MYO7B: variants seen among roughly 807,000 people sequenced by gnomAD.
MYO7B encodes the protein unconventional myosin-VIIb.
Under a neutral mutation model 259.7 loss-of-function variants are expected in MYO7B, and 212 were observed. The observed-to-expected ratio is 0.82, with a 90% CI of 0.73 to 0.91. The LOEUF is 0.91. MYO7B is among the 40% of genes least tolerant of loss of function. The pLI is 0.00. For synonymous variants in MYO7B, 1,197 were observed against 1,166.4 expected (o/e 1.03, Z -0.54); for missense variants, 2,732 against 2,813.5 (o/e 0.97, Z 0.66).
Position 127,634,239 on chromosome 2 carries a change from C to T in MYO7B, c.5575C>T (p.Gln1859Ter). 2 of 1,596,914 alleles carry T rather than the reference C, an allele frequency of 1.3e-6. No homozygotes were observed. The highest frequency in any genetic ancestry group is 1.1e-5 in the South Asian group (1 of 88,008). The change falls in exon 41 of 48, where the codon CAG becomes TAG. Residue 1859 changes from glutamine (Q) to a stop codon, truncating the protein, a stop_gained. Coordinates refer to ENST00000409816, the MANE Select transcript of MYO7B (RefSeq NM_001393586.1). LOFTEE classifies it high-confidence loss of function. ...DVCDSIATRLQLASWEGCSLF... is the reference protein window; with the variant it reads ...DVCDSIATRL The stretch of plus-strand genomic sequence containing the variant: ...GTGTGACAGCATTGCCACCAGGCTG[C>T]AGCTGGCCTCCTGGGAGGGCTGCAG...
chr2:127,548,181 A>C (rs1241372827), intron 1 of MYO7B, among the ~76,000 whole-genome samples: 1 of 151,926 alleles, frequency 6.6e-6, no homozygotes, highest in Non-Finnish European at 1.5e-5. Flanking sequence ...ATAGTAGTTA[A>C]TTTGTGTCTT....
In MYO7B at chr2:127,584,321, C is replaced by G. The variant is rs375437795; in HGVS notation, c.1543C>G (p.Arg515Gly). Residue 515 changes from arginine (R) to glycine (G), a missense_variant, in exon 13 of 48, where the codon CGC becomes GGC. Physicochemically the swap from Arg to Gly is moderately radical, Grantham distance 125. This residue lies in a region of MYO7B where 1,906 missense variants were observed against 2,026.4 expected (regional missense o/e 0.94). Transcript: ENST00000409816. This position sits in a 1 kb window ranked among gnomAD's most constrained non-coding sequence, Gnocchi z 5.8. ...SIISLLDEES[R>G]FPQGTDLTML... ...CATCTCCCTCCTGGACGAAGAAAGC[C>G]GCTTCCCGCAGGTGTGTGTTCGGGC... is the stretch of plus-strand genomic sequence containing the variant. The G allele has an allele frequency of 3.1e-6, 5 of 1,613,766 alleles. No homozygotes were observed. The highest frequency in any genetic ancestry group is 4.2e-6 in the Non-Finnish European group (5 of 1,179,868).
At chr2:127,619,403 A>C (rs376505682) in intron 26 of MYO7B, among the ~76,000 whole-genome samples, 5 of 56,634 alleles carry the variant, frequency 8.8e-5, no homozygotes, top group African/African-American at 3.0e-4. Context: ...TGGGGGCTGG[A>C]TGGATGGTGG....
chr2:127,609,480 C>T lies in MYO7B; in HGVS notation c.2815-26C>T. The T allele has an allele frequency of 1.3e-6, 2 of 1,592,874 alleles. No individual in the cohort carries two copies. Among genetic ancestry groups the T allele is most frequent in the African/African-American group, 1.3e-5 (1 of 74,584 alleles). On this transcript the variant is annotated intron_variant, in intron 22 of 47. Coordinates refer to ENST00000409816, the MANE Select transcript of MYO7B (RefSeq NM_001393586.1). This position sits in a 1 kb window ranked among gnomAD's most constrained non-coding sequence, Gnocchi z 6.9. The stretch of plus-strand genomic sequence containing the variant: ...GGTTGTTACCTGAAAGCCCTGCTGA[C>T]CCGTGTTCTCCCTCAATGGCCGTAG...
At chr2:127,543,839 G>A (rs1365462400) in intron 1 of MYO7B, among the ~76,000 whole-genome samples, 1 of 151,816 alleles carries the variant, frequency 6.6e-6, no homozygotes, top group African/African-American at 2.4e-5. Flanking sequence ...CCCCCTGCCG[G>A]GTTCACGCCA....
At chr2:127,551,563 G>A (rs1481601122) in intron 1 of MYO7B, among the ~76,000 whole-genome samples, 1 of 152,234 alleles carries the variant, frequency 6.6e-6, no homozygotes, top group Non-Finnish European at 1.5e-5. Context: ...TCGAGATGGG[G>A]TGAATTAGTC....
chr2:127,622,158 C>A, intron 28 of MYO7B, 57 bp downstream of exon 28: 1 of 1,503,688 alleles, frequency 6.7e-7, no homozygotes, highest in East Asian at 2.5e-5. Flanking sequence ...CCCCCAGGGA[C>A]CCCCAGCACA....
chr2:127,560,307 C>T (rs897072550), intron 2 of MYO7B, among the ~76,000 whole-genome samples: 36 of 152,262 alleles, frequency 2.4e-4, no homozygotes, highest in African/African-American at 7.9e-4. Flanking sequence ...GTGTGAGCCA[C>T]CTTGCCCAGC....
intron 6 of MYO7B, among the ~76,000 whole-genome samples, chr2:127,573,058 G>T (rs1469877833): frequency 2.0e-5 from 3 of 152,156 alleles, no homozygotes; most frequent in Non-Finnish European, 4.4e-5. Flanking sequence ...ACTTCTCAGA[G>T]GCTCTGCTGT....
intron 1 of MYO7B, among the ~76,000 whole-genome samples, chr2:127,538,643 G>A (rs956805569): frequency 1.3e-5 from 2 of 151,448 alleles, no homozygotes; most frequent in Admixed American, 1.3e-4. Context: ...TCGGCTCACT[G>A]CAACCTCCAC....
At chr2:127,564,109 A>C in intron 2 of MYO7B, 44 bp from the exon 3 acceptor site, 8 of 1,336,142 alleles carry the variant, frequency 6.0e-6, no homozygotes, top group Non-Finnish European at 8.3e-6. Context: ...AGGGAGGGGA[A>C]GAGAGAGCGG....
chr2:127,582,281 C>T lies in MYO7B; in HGVS notation c.1201-23C>T, dbSNP rs531715217. ...CGCCTGAGCCTCCAAGCCCAGGATT[C>T]TCCCACCCCCGTGTCTCTCCAGGGC... On this transcript the variant is annotated intron_variant, in intron 11 of 47. Coordinates refer to ENST00000409816, the MANE Select transcript of MYO7B (RefSeq NM_001393586.1). 1.6e-5 allele frequency: 25 copies of T among 1,611,122 alleles called. No homozygotes were observed. In the South Asian group the frequency reaches 2.0e-4, roughly 13 times the overall value.
chr2:127,630,756 C>T, intron 35 of MYO7B, 22 bp from the exon 36 acceptor site: 2 of 1,611,552 alleles, frequency 1.2e-6, no homozygotes, highest in South Asian at 1.1e-5. Context: ...CCTGGGCACC[C>T]ACAGGCCTGT....
At chr2:127,619,209 T>C (rs1680718624) in intron 26 of MYO7B, among the ~76,000 whole-genome samples, 2 of 95,532 alleles carry the variant, frequency 2.1e-5, no homozygotes, top group South Asian at 4.2e-4. Context: ...TGGTGGTGGC[T>C]GGCTGGGTGG....
In MYO7B at chr2:127,559,490, A is replaced by G. The variant is rs1308565576; in HGVS notation, c.-23-210A>G. 6.6e-6 allele frequency among the ~76,000 whole-genome samples: 1 copy of G among 152,182 alleles called. No individual in the cohort carries two copies. The highest frequency in any genetic ancestry group is 2.4e-5 in the African/African-American group (1 of 41,436). On this transcript the variant is annotated intron_variant, in intron 1 of 47. Coordinates refer to ENST00000409816, the MANE Select transcript of MYO7B (RefSeq NM_001393586.1). The surrounding 1 kb of genome is among the most constrained non-coding windows in gnomAD (Gnocchi z 4.1). Reference sequence around the variant, plus strand: ...CTGGGTATGAAATACGTCTTCAATAAAGGTGACATAGGATGAAGAAGCTGA... The same window carrying G: ...CTGGGTATGAAATACGTCTTCAATAGAGGTGACATAGGATGAAGAAGCTGA...
intron 5 of MYO7B, among the ~76,000 whole-genome samples, 200 bp downstream of exon 5, chr2:127,567,027 C>T (rs1573630295): frequency 6.6e-6 from 1 of 152,222 alleles, no homozygotes; most frequent in Admixed American, 6.5e-5. Context: ...AGGCTTTCAT[C>T]GTGTCACCAG....
Position 127,571,451 on chromosome 2 carries a change from T to TTG in MYO7B, c.592+1542_592+1543insGT, listed in dbSNP as rs1375576827. 3.6e-3 allele frequency among the ~76,000 whole-genome samples: 514 copies of TTG among 140,854 alleles called. 1 individual carries two copies. Among genetic ancestry groups the TTG allele is most frequent in the Middle Eastern group, 0.014 (4 of 282 alleles). The allele number at this position is 140,854 out of a possible 152,430, so 92.4% of individuals were successfully genotyped here. On this transcript the variant is annotated intron_variant, in intron 6 of 47. Transcript: ENST00000409816. ...ATTTCCTTACCAGTGAGTTTTTTTT[T>TTG]TTTTTTTTGCTTGTTTGTTTTTTGT... is the stretch of plus-strand genomic sequence containing the variant.
intron 1 of MYO7B, among the ~76,000 whole-genome samples, chr2:127,543,712 T>C (rs1693098290): frequency 6.6e-6 from 1 of 151,488 alleles, no homozygotes; most frequent in Admixed American, 6.6e-5. Context: ...TATATATATA[T>C]CCTCTCTCTC....
chr2:127,631,061 T>A, intron 36 of MYO7B, 145 bp from the exon 37 acceptor site: 1 of 1,376,382 alleles, frequency 7.3e-7, no homozygotes, highest in South Asian at 1.5e-5. Flanking sequence ...TGCCTGGCCT[T>A]CCCAGGCCAG....
Sources: gnomAD v4.1 joint callset for allele counts (sites outside exome capture counted in the v4.1 genomes callset) on GRCh38, gnomAD v4.1.1 for gene constraint, gnomAD v4.1.1 regional missense constraint, Gnocchi (gnomAD v3.1) non-coding constraint, MANE v1.5 for transcripts, NCBI Gene and HGNC (gene_info 2026-07-23, HGNC 2026-07-21) for gene names.